The following NFASC variants were observed in gnomAD, a reference collection of about 807,000 sequenced individuals.
NFASC encodes neurofascin homolog.
A neutral mutation model predicts 147.5 loss-of-function variants in NFASC; 43 were observed. That is an observed-to-expected ratio of 0.29 (90% CI 0.23 to 0.38). The LOEUF (loss-of-function observed/expected upper bound fraction) is 0.38. Ranked by LOEUF, NFASC falls within the 10% of genes least tolerant of loss-of-function variation. NFASC has a pLI of 1.00. For missense variants in NFASC, 1,320 were observed against 1,689.0 expected, an observed-to-expected ratio of 0.78 and a Z score of 3.83; for synonymous variants, 622 against 665.5, an observed-to-expected ratio of 0.93 and a Z score of 1.01.
At position 204,986,154 on chromosome 1, in the gene NFASC, A is replaced by G; in HGVS notation, c.2471-1264A>G. 6.8e-7 allele frequency: 1 copy of G among 1,470,122 alleles called. No individual in the cohort carries two copies. Among genetic ancestry groups the G allele is most frequent in the Non-Finnish European group, 9.5e-7 (1 of 1,049,288 alleles). 91.1% of individuals were successfully genotyped at this position (1,470,122 alleles called of 1,614,324 possible). On this transcript the variant is annotated intron_variant, in intron 21 of 29. Transcript: ENST00000339876. The surrounding 1 kb of genome is among the most constrained non-coding windows in gnomAD (Gnocchi z 4.2). ...CAGCTCTTCAGGGTGGGGCAGGAGAAGGGTGGCACACACCTTGGGCCTGGA... is the reference window on the plus strand; with the variant it reads ...CAGCTCTTCAGGGTGGGGCAGGAGAGGGGTGGCACACACCTTGGGCCTGGA...
intron 1 of NFASC, among the ~76,000 whole-genome samples, chr1:204,872,049 T>G (rs1005430612): frequency 6.6e-6 from 1 of 152,196 alleles, no homozygotes; most frequent in Non-Finnish European, 1.5e-5. Flanking sequence ...GGTTGAAGAT[T>G]CAGTGACCGT....
At chr1:204,884,380 T>C (rs1256848275) in intron 1 of NFASC, among the ~76,000 whole-genome samples, 5 of 152,132 alleles carry the variant, frequency 3.3e-5, no homozygotes, top group Admixed American at 1.3e-4. Context: ...TGGTGGTCCC[T>C]GAAGTCAATA....
chr1:204,984,274 G>T (rs1366280626), intron 21 of NFASC: 1 of 632,528 alleles, frequency 1.6e-6, no homozygotes, highest in African/African-American at 1.8e-5. Flanking sequence ...GACTCAAGAA[G>T]ATAATGTCTA....
At chr1:205,008,471 T>G (rs1189503634) in intron 27 of NFASC, 1 of 152,642 alleles carries the variant, frequency 6.6e-6, no homozygotes, top group Non-Finnish European at 1.5e-5. Flanking sequence ...TCTGGGTGTA[T>G]TCAGTTCCTT....
intron 1 of NFASC, among the ~76,000 whole-genome samples, chr1:204,867,601 G>A (rs921498113): frequency 2.6e-5 from 4 of 151,604 alleles, no homozygotes; most frequent in South Asian, 2.1e-4. Flanking sequence ...ATACACAAAC[G>A]CCCACCAAGC....
In NFASC at chr1:204,828,731, C is replaced by G. The variant is rs1277985737; in HGVS notation, c.-251C>G. Reference sequence around the variant, plus strand: ...GGGGACGCGGGGGAAGTGGCGGCGCCGGCAGCGGACAGCTCGGACAGCGCC... The same window carrying G: ...GGGGACGCGGGGGAAGTGGCGGCGCGGGCAGCGGACAGCTCGGACAGCGCC... On this transcript the variant is annotated 5_prime_UTR_variant, in exon 1 of 30. Coordinates refer to ENST00000339876, the MANE Select transcript of NFASC (RefSeq NM_001005388.3). 1 of 985,820 alleles carries G rather than the reference C, an allele frequency of 1.0e-6. No homozygotes were observed. The highest frequency in any genetic ancestry group is 1.2e-6 in the Non-Finnish European group (1 of 830,358). The allele number at this position is 985,820 out of a possible 1,614,324, so 61.1% of individuals were successfully genotyped here.
chr1:204,834,230 A>G (rs1673051251), intron 1 of NFASC, among the ~76,000 whole-genome samples: 1 of 152,072 alleles, frequency 6.6e-6, no homozygotes, highest in Non-Finnish European at 1.5e-5. Context: ...ATCATCCTAA[A>G]AGGCATGAGG....
At chr1:204,852,250 G>A (rs985395926) in intron 1 of NFASC, among the ~76,000 whole-genome samples, 5 of 152,208 alleles carry the variant, frequency 3.3e-5, no homozygotes, top group African/African-American at 7.2e-5. Context: ...TGTAATCTCA[G>A]CACTTTGGGA....
intron 1 of NFASC, among the ~76,000 whole-genome samples, chr1:204,872,160 C>A (rs1026687958): frequency 3.3e-5 from 5 of 152,222 alleles, no homozygotes. Context: ...ATTCAACCTT[C>A]CCAGAGGCAG....
rs570836846 is a variant in NFASC, at chr1:204,885,951, A to G, written c.-199-34681A>G. Reference sequence around the variant, plus strand: ...AGATGGGCACTCTGTGATGTCAAACATGTAATTCTGTCATTATCCGAAACA... The same window carrying G: ...AGATGGGCACTCTGTGATGTCAAACGTGTAATTCTGTCATTATCCGAAACA... On this transcript the variant is annotated intron_variant, in intron 1 of 29. Transcript: ENST00000339876. Among the ~76,000 whole-genome samples, 187 of 152,282 alleles carry G rather than the reference A, an allele frequency of 1.2e-3. 1 individual carries two copies. Among genetic ancestry groups the G allele is most frequent in the Admixed American group, 2.1e-3 (32 of 15,298 alleles).
chr1:204,965,587 C>T (rs1281256780), intron 8 of NFASC, among the ~76,000 whole-genome samples: 1 of 152,130 alleles, frequency 6.6e-6, no homozygotes, highest in Non-Finnish European at 1.5e-5. Context: ...CCACCTTGGG[C>T]CCGAGTTTTT....
intron 1 of NFASC, among the ~76,000 whole-genome samples, chr1:204,830,989 C>T (rs6593914): frequency 0.24 from 36,507 of 152,088 alleles, 7,016 homozygotes; most frequent in East Asian, 0.78. Context: ...CACCCTTCTC[C>T]GTCGCCTCTC....
At chr1:204,880,023 A>G (rs2079842480) in intron 1 of NFASC, among the ~76,000 whole-genome samples, 5 of 152,150 alleles carry the variant, frequency 3.3e-5, no homozygotes, top group Admixed American at 1.3e-4. Context: ...ATGGAGGCCT[A>G]CCTTGTGAGT....
At chr1:204,915,197 T>C (rs1449756540) in intron 1 of NFASC, among the ~76,000 whole-genome samples, 1 of 151,970 alleles carries the variant, frequency 6.6e-6, no homozygotes, top group Non-Finnish European at 1.5e-5. Flanking sequence ...GGAGAATGGG[T>C]GTGAACCCAG....
intron 1 of NFASC, among the ~76,000 whole-genome samples, chr1:204,851,124 T>C (rs1480553173): frequency 6.6e-6 from 1 of 152,210 alleles, no homozygotes; most frequent in African/African-American, 2.4e-5. Context: ...AAGAAGTGCA[T>C]GTAAATCAGT....
intron 12 of NFASC, 109 bp from the exon 13 acceptor site, chr1:204,974,070 A>C (rs1406942249): frequency 2.5e-6 from 2 of 800,816 alleles, no homozygotes; most frequent in Non-Finnish European, 4.1e-6. Context: ...AAGGTGTCTC[A>C]GTGCCTGGGA....
Position 204,976,708 on chromosome 1 carries a change from G to T in NFASC, c.1744G>T (p.Val582Leu). The T allele has an allele frequency of 6.2e-7, 1 of 1,614,028 alleles. No homozygotes were observed. The highest frequency in any genetic ancestry group is 8.5e-7 in the Non-Finnish European group (1 of 1,179,944). Residue 582 changes from valine to leucine, a missense_variant, in exon 16 of 30, where the codon GTG (valine) becomes TTG (leucine). By Grantham distance (32) the Val-to-Leu change is conservative. Transcript: ENST00000339876. ...KEDDSLTIFG[V>L]AERDQGSYTC... ...AGACGACTCCCTGACCATCTTTGGG[G>T]TGGCAGAGCGGGACCAGGGCAGTTA...
intron 1 of NFASC, among the ~76,000 whole-genome samples, chr1:204,912,203 A>T: frequency 1.3e-5 from 2 of 150,852 alleles, no homozygotes; most frequent in South Asian, 4.2e-4. Flanking sequence ...CTCTTCTTTT[A>T]CTAGTTCCTC....
chr1:204,997,723 C>T, intron 25 of NFASC: 1 of 474,894 alleles, frequency 2.1e-6, no homozygotes, highest in Non-Finnish European at 3.9e-6. Flanking sequence ...CCCCCAGGTT[C>T]CAGATGTTAG....
Sources: gnomAD v4.1 joint callset for allele counts (sites outside exome capture counted in the v4.1 genomes callset) on GRCh38, gnomAD v4.1.1 for gene constraint, Gnocchi (gnomAD v3.1) non-coding constraint, MANE v1.5 for transcripts, NCBI Gene and HGNC (gene_info 2026-07-23, HGNC 2026-07-21) for gene names.